Variants in SYCP2 observed in about 807,000 individuals in gnomAD.
The protein encoded by SYCP2 is synaptonemal complex protein 2, also known as synaptonemal complex lateral element protein.
SYCP2 carries 55 observed loss-of-function variants against 211.3 expected under a neutral mutation model. The observed-to-expected ratio is 0.26, with a 90% CI of 0.21 to 0.33. The LOEUF (loss-of-function observed/expected upper bound fraction) is 0.33, where lower values mean the gene tolerates loss of function less well. Among genes scored for constraint, SYCP2 ranks in the 10% least tolerant of loss-of-function variants. The pLI is 1.00. For missense variants in SYCP2, 1,731 were observed against 1,752.0 expected, an observed-to-expected ratio of 0.99 and a Z score of 0.21; for synonymous variants, 570 against 555.2, an observed-to-expected ratio of 1.03 and a Z score of -0.37.
chr20:59,900,590 T>C (rs2060097325), intron 17 of SYCP2, among the ~76,000 whole-genome samples, 154 bp downstream of exon 17: 2 of 152,140 alleles, frequency 1.3e-5, no homozygotes, highest in South Asian at 2.1e-4. Flanking sequence ...ATTAATAACA[T>C]GTTTAAACAT....
At position 59,868,459 on chromosome 20, in the gene SYCP2, G is replaced by A. The variant is rs1483285658; in HGVS notation, c.3942C>T (p.Pro1314=). Residue 1314 remains proline, a synonymous_variant, in exon 38 of 45, where the codon CCC becomes CCT. Transcript: ENST00000357552. The stretch of plus-strand genomic sequence containing the variant: ...CATCTTCAATTTTACACAGTTTTTT[G>A]GGAAGCAAGTTTGCTCTCCTTTCTC... The part of the protein sequence containing the change: ...EKGERRANLL[P]KKLCKIEDAD... The A allele has an allele frequency of 6.2e-7, 1 of 1,610,590 alleles. No individual in the cohort carries two copies. The highest frequency in any genetic ancestry group is 8.5e-7 in the Non-Finnish European group (1 of 1,178,208).
rs1414265758 is a variant in SYCP2, at chr20:59,895,592, G to T, written c.1510C>A (p.Pro504Thr). 2.5e-6 allele frequency: 4 copies of T among 1,612,738 alleles called. No homozygotes were observed. The highest frequency in any genetic ancestry group is 3.4e-6 in the Non-Finnish European group (4 of 1,179,284). The change falls in exon 20 of 45, where the codon CCA becomes ACA. Residue 504 changes from proline to threonine, a missense_variant. By Grantham distance (38) the Pro-to-Thr change is conservative (BLOSUM62 -1). Around this residue, in one of 3 missense-constraint regions of SYCP2, gnomAD observed 1,387 missense variants for 1,351.3 expected, o/e 1.03. Transcript: ENST00000357552. ...SPVLFSNTSIPPRRRRIKPPL... is the reference protein window; with the variant it reads ...SPVLFSNTSITPRRRRIKPPL... ...GGTTTAATTCTTCTTCTTCGTGGTG[G>T]TATTGCTAAAAAGGAGGACAAGGAT...
At chr20:59,922,705 C>A (rs2060564405) in intron 2 of SYCP2, among the ~76,000 whole-genome samples, 1 of 151,564 alleles carries the variant, frequency 6.6e-6, no homozygotes, top group African/African-American at 2.4e-5. Context: ...TGTCAAATAT[C>A]CTGCCAAAAG....
At position 59,886,654 on chromosome 20, in the gene SYCP2, AAT is replaced by A. The variant is rs2059794587; in HGVS notation, c.2492+51_2492+52del. On this transcript the variant is annotated intron_variant, in intron 25 of 44. Coordinates refer to ENST00000357552, the MANE Select transcript of SYCP2 (RefSeq NM_014258.4). ...AAAATTAACCTTTTTAAAATTGTGT[AAT>A]ATAGTTGTATCTGTCAGAAAAATAT... is the stretch of plus-strand genomic sequence containing the variant. The A allele has an allele frequency of 1.3e-5, 17 of 1,341,184 alleles. 1 individual carries two copies. The East Asian group carries it at 4.0e-4, about 32-fold the overall frequency. 83.1% of individuals were successfully genotyped at this position (1,341,184 alleles called of 1,614,324 possible). A position where few individuals can be genotyped will look rare whatever the true frequency, so the allele number is the denominator to read the frequency against.
At position 59,875,488 on chromosome 20, in the gene SYCP2, T is replaced by G. The variant is rs1244158981; in HGVS notation, c.3151-19A>C. Reference sequence around the variant, plus strand: ...TCTCCTCCTAAATGTATCAATAACTTTCAAATTATACTCAAGTACAAATAT... The same window carrying G: ...TCTCCTCCTAAATGTATCAATAACTGTCAAATTATACTCAAGTACAAATAT... On this transcript the variant is annotated intron_variant, in intron 33 of 44. Coordinates refer to ENST00000357552, the MANE Select transcript of SYCP2 (RefSeq NM_014258.4). 6 of 1,570,448 alleles carry G rather than the reference T, an allele frequency of 3.8e-6. No homozygotes were observed. The highest frequency in any genetic ancestry group is 5.2e-6 in the Non-Finnish European group (6 of 1,150,536).
intron 38 of SYCP2, 80 bp from the exon 39 acceptor site, chr20:59,867,927 T>A (rs2059382665): frequency 9.6e-7 from 1 of 1,041,846 alleles, no homozygotes; most frequent in Non-Finnish European, 1.4e-6. Context: ...AAGAACAAAA[T>A]CTATCTTATT....
chr20:59,929,763 G>A (rs1328760214), intron 2 of SYCP2, among the ~76,000 whole-genome samples: 1 of 151,728 alleles, frequency 6.6e-6, no homozygotes, highest in Admixed American at 6.6e-5. Context: ...ACAAATACTG[G>A]GCATATGAAC....
intron 24 of SYCP2, among the ~76,000 whole-genome samples, chr20:59,888,940 GA>G (rs1394968714): frequency 6.6e-6 from 1 of 151,638 alleles, no homozygotes; most frequent in Non-Finnish European, 1.5e-5. Context: ...ATGTACGAGA[GA>G]AAAACTACAA....
intron 17 of SYCP2, among the ~76,000 whole-genome samples, 197 bp downstream of exon 17, chr20:59,900,546 TA>T (rs1423792648): frequency 1.5e-4 from 23 of 152,126 alleles, no homozygotes; most frequent in African/African-American, 5.3e-4. Context: ...AACTGATATT[TA>T]TTAATAACCC....
At position 59,892,649 on chromosome 20, in the gene SYCP2, C is replaced by A. The variant is rs1600879198; in HGVS notation, c.1846G>T (p.Ala616Ser). Reference protein sequence around the residue: ...ICGNKIHSKWACWTPVTNIEL... With the variant: ...ICGNKIHSKWSCWTPVTNIEL... ...ATGTTTGTTACAGGTGTCCAACATG[C>A]CCATTTGCTGTGTATTTTATTTCCA... Residue 616 changes from alanine to serine, a missense_variant, in exon 23 of 45, where the codon GCA becomes TCA. Ala to Ser is a moderately conservative substitution (Grantham distance 99). Around this residue, in one of 3 missense-constraint regions of SYCP2, gnomAD observed 1,387 missense variants for 1,351.3 expected, o/e 1.03. Transcript: ENST00000357552. 1 of 1,610,234 alleles carries A rather than the reference C, an allele frequency of 6.2e-7. No homozygotes were observed.
At position 59,871,972 on chromosome 20, in the gene SYCP2, T is replaced by C. The variant is rs112496766; in HGVS notation, c.3555+1884A>G. ...GGAGAATTTGTGTGAATTTCACTAGTGTGAAACTGGGTTTCAAATTGTGGT... is the reference window on the plus strand; with the variant it reads ...GGAGAATTTGTGTGAATTTCACTAGCGTGAAACTGGGTTTCAAATTGTGGT... On this transcript the variant is annotated intron_variant, in intron 35 of 44. Coordinates refer to ENST00000357552, the MANE Select transcript of SYCP2 (RefSeq NM_014258.4). 3.9e-4 allele frequency among the ~76,000 whole-genome samples: 60 copies of C among 152,118 alleles called. 1 individual carries two copies. The highest frequency in any genetic ancestry group is 1.4e-3 in the African/African-American group (58 of 41,548).
chr20:59,913,227 T>C (rs1156992433), intron 12 of SYCP2, among the ~76,000 whole-genome samples: 2 of 152,168 alleles, frequency 1.3e-5, no homozygotes, highest in East Asian at 3.8e-4. Flanking sequence ...CACAAACATA[T>C]GAGGTAGTTA....
At chr20:59,883,637 TAAA>T (rs79070220) in intron 26 of SYCP2, among the ~76,000 whole-genome samples, 2 of 143,222 alleles carry the variant, frequency 1.4e-5, no homozygotes, top group African/African-American at 5.1e-5. Flanking sequence ...TGTGGAATCT[TAAA>T]AAAAAAAAAA....
At chr20:59,933,104 G>C (rs899994121) in intron 1 of SYCP2, 6 of 152,742 alleles carry the variant, frequency 3.9e-5, no homozygotes, top group African/African-American at 1.2e-4. Flanking sequence ...AGACAGGCGA[G>C]CAGCGGTCCC....
In SYCP2 at chr20:59,906,818, C is replaced by G. The variant is rs112457813; in HGVS notation, c.1033+546G>C. 1.2e-3 allele frequency among the ~76,000 whole-genome samples: 181 copies of G among 150,694 alleles called. 3 individuals are homozygous for G. Among genetic ancestry groups the G allele is most frequent in the African/African-American group, 4.3e-3 (177 of 40,988 alleles). On this transcript the variant is annotated intron_variant, in intron 15 of 44. Coordinates refer to ENST00000357552, the MANE Select transcript of SYCP2 (RefSeq NM_014258.4). ...CTAGGATACCTAAGAACTAGATAGT[C>G]CAATAAAAAATGAACAAAATATTTA...
At position 59,877,480 on chromosome 20, in the gene SYCP2, T is replaced by A. The variant is rs780437112; in HGVS notation, c.3055A>T (p.Thr1019Ser). ...TCTTTATAGTTTTTTTTTGTTTTGGTTGCTTTTCGTGGAAGTCTGATTCTT... is the reference window on the plus strand; with the variant it reads ...TCTTTATAGTTTTTTTTTGTTTTGGATGCTTTTCGTGGAAGTCTGATTCTT... ...EGRIRLPRKA[T>S]KTKKNYKDLS... The change falls in exon 33 of 45, where the codon ACC (threonine) becomes TCC (serine). Residue 1019 changes from threonine to serine, a missense_variant. Thr to Ser is a moderately conservative substitution (Grantham distance 58). Around this residue, in one of 3 missense-constraint regions of SYCP2, gnomAD observed 1,387 missense variants for 1,351.3 expected, o/e 1.03. Coordinates refer to ENST00000357552, the MANE Select transcript of SYCP2 (RefSeq NM_014258.4). 2.5e-6 allele frequency: 4 copies of A among 1,605,492 alleles called. No individual in the cohort carries two copies. The highest frequency in any genetic ancestry group is 3.4e-6 in the Non-Finnish European group (4 of 1,177,992).
chr20:59,919,725 A>G, intron 5 of SYCP2, 128 bp from the exon 6 acceptor site: 2 of 507,646 alleles, frequency 3.9e-6, no homozygotes, highest in Non-Finnish European at 6.8e-6. Flanking sequence ...TGTTGTATCA[A>G]AATAAATTCA....
chr20:59,899,075 T>C (rs191738312), intron 18 of SYCP2, among the ~76,000 whole-genome samples: 1 of 151,988 alleles, frequency 6.6e-6, no homozygotes, highest in Non-Finnish European at 1.5e-5. Context: ...ATCGCTGATT[T>C]TTCAGGTATC....
At chr20:59,892,518 T>C in intron 23 of SYCP2, 50 bp downstream of exon 23, 1 of 1,548,054 alleles carries the variant, frequency 6.5e-7, no homozygotes, top group Admixed American at 2.1e-5. Flanking sequence ...TGTTAGACAT[T>C]TGAGGAAATT....
Sources: gnomAD v4.1 joint callset for allele counts (sites outside exome capture counted in the v4.1 genomes callset) on GRCh38, gnomAD v4.1.1 for gene constraint, gnomAD v4.1.1 regional missense constraint, MANE v1.5 for transcripts, NCBI Gene and HGNC (gene_info 2026-07-23, HGNC 2026-07-21) for gene names.